The following PAX5 variants were observed in gnomAD, a reference collection of about 807,000 sequenced individuals.
PAX5 encodes the protein paired box 5, also known as paired box protein Pax-5.
Under a neutral mutation model 43.7 loss-of-function variants are expected in PAX5, and 9 were observed. The observed-to-expected ratio is 0.21, with a 90% CI of 0.12 to 0.36. The LOEUF (loss-of-function observed/expected upper bound fraction) is 0.36, where lower values mean the gene tolerates loss of function less well. Ranked by LOEUF, PAX5 falls within the 10% of genes least tolerant of loss-of-function variation. PAX5 has a pLI of 1.00. For synonymous variants in PAX5, 228 were observed against 214.3 expected (o/e 1.06, Z -0.56); for missense variants, 383 against 532.7 (o/e 0.72, Z 2.77).
At chr9:37,022,882 C>T (rs1839973639) in intron 1 of PAX5, among the ~76,000 whole-genome samples, 1 of 152,168 alleles carries the variant, frequency 6.6e-6, no homozygotes, top group African/African-American at 2.4e-5. Context: ...TGTTACCTTC[C>T]TCAACTTCCT....
chr9:36,917,213 C>T (rs1243998728), intron 7 of PAX5, among the ~76,000 whole-genome samples: 1 of 152,186 alleles, frequency 6.6e-6, no homozygotes, highest in Non-Finnish European at 1.5e-5. Flanking sequence ...AGACTTCCTG[C>T]TTGGGCCTAA....
At chr9:36,937,274 C>T (rs956846253) in intron 6 of PAX5, among the ~76,000 whole-genome samples, 6 of 152,318 alleles carry the variant, frequency 3.9e-5, no homozygotes, top group South Asian at 2.1e-4. Flanking sequence ...TTACTACCCT[C>T]CCTTTACAGA....
chr9:37,022,527 AACACCCAGC>A (rs1839941493), intron 1 of PAX5, among the ~76,000 whole-genome samples: 1 of 152,342 alleles, frequency 6.6e-6, no homozygotes, highest in Admixed American at 6.5e-5. Context: ...AGGAAGCTTA[AACACCCAGC>A]ACACTTTTGA....
chr9:37,015,052 G>A lies in PAX5; in HGVS notation c.355C>T (p.Leu119=), dbSNP rs1216262547. ...MFAWEIRDRL[L]AERVCDNDTV... is the part of the protein sequence containing the mutation. ...TCATTGTCACACACCCGCTCTGCCA[G>A]CAGCCGGTCCCTGATCTCCCAGGCA... is the stretch of plus-strand genomic sequence containing the variant. The change falls in exon 3 of 10, where the codon CTG becomes TTG. Residue 119 remains leucine, a synonymous_variant. Coordinates refer to ENST00000358127, the MANE Select transcript of PAX5 (RefSeq NM_016734.3). The surrounding 1 kb of genome is among the most constrained non-coding windows in gnomAD (Gnocchi z 4.4). The A allele has an allele frequency of 6.2e-7, 1 of 1,614,112 alleles. No homozygotes were observed. Among genetic ancestry groups the A allele is most frequent in the East Asian group, 2.2e-5 (1 of 44,904 alleles).
At chr9:37,027,554 C>A (rs998628772) in intron 1 of PAX5, among the ~76,000 whole-genome samples, 7 of 152,222 alleles carry the variant, frequency 4.6e-5, no homozygotes, top group Non-Finnish European at 1.0e-4. Context: ...CCAAGGCCGC[C>A]GGGGCTGCCG....
chr9:36,891,934 C>T (rs1169464347), intron 7 of PAX5, among the ~76,000 whole-genome samples: 1 of 152,190 alleles, frequency 6.6e-6, no homozygotes, highest in Non-Finnish European at 1.5e-5. Context: ...CCGCACCCAC[C>T]TCCCTGGAAT....
chr9:37,014,196 T>G (rs958130669), intron 3 of PAX5, among the ~76,000 whole-genome samples: 7 of 152,242 alleles, frequency 4.6e-5, no homozygotes, highest in Non-Finnish European at 1.0e-4. Context: ...CATACATTTA[T>G]TTTTAAAGCT....
chr9:36,949,114 T>A (rs973164089), intron 6 of PAX5, among the ~76,000 whole-genome samples: 1 of 152,126 alleles, frequency 6.6e-6, no homozygotes, highest in African/African-American at 2.4e-5. Context: ...CAGGCTGGAG[T>A]GCAGTGGCAC....
chr9:36,988,397 A>C (rs1836638451), intron 5 of PAX5, among the ~76,000 whole-genome samples: 1 of 152,164 alleles, frequency 6.6e-6, no homozygotes, highest in South Asian at 2.1e-4. Context: ...AAAAGAAAGA[A>C]AGCCTGTAAT....
chr9:36,918,032 C>T (rs2131940284), intron 7 of PAX5, among the ~76,000 whole-genome samples: 1 of 152,262 alleles, frequency 6.6e-6, no homozygotes, highest in South Asian at 2.1e-4. Context: ...TTGGCTGTTC[C>T]CTCATCTCTC....
intron 1 of PAX5, 94 bp from the exon 2 acceptor site, chr9:37,020,895 T>A: frequency 7.4e-7 from 1 of 1,355,890 alleles, no homozygotes; most frequent in Non-Finnish European, 1.0e-6. Flanking sequence ...GCCCCTCTGA[T>A]CACAAATGGC....
intron 6 of PAX5, among the ~76,000 whole-genome samples, chr9:36,961,142 A>G (rs1240124754): frequency 6.6e-6 from 1 of 152,198 alleles, no homozygotes; most frequent in Non-Finnish European, 1.5e-5. Flanking sequence ...ATCCCTGATG[A>G]CCAAGCTCAA....
chr9:36,990,490 A>ATCTT (rs1362282244), intron 5 of PAX5, among the ~76,000 whole-genome samples: 3 of 152,226 alleles, frequency 2.0e-5, no homozygotes, highest in Non-Finnish European at 4.4e-5. Flanking sequence ...TGAAGGTTAA[A>ATCTT]ACCCTTCAGG....
chr9:37,030,332 C>A (rs1050557001), intron 1 of PAX5, among the ~76,000 whole-genome samples: 1 of 152,200 alleles, frequency 6.6e-6, no homozygotes, highest in Non-Finnish European at 1.5e-5. Context: ...CTAGCCCAGC[C>A]TTACAGGTCA....
intron 5 of PAX5, among the ~76,000 whole-genome samples, chr9:36,971,732 G>A (rs1455776102): frequency 2.6e-5 from 4 of 152,222 alleles, no homozygotes; most frequent in Non-Finnish European, 5.9e-5. Context: ...AGGGGAGCAA[G>A]GGGCAGGAAG....
intron 9 of PAX5, among the ~76,000 whole-genome samples, chr9:36,843,839 G>A (rs1052274438): frequency 1.3e-5 from 2 of 152,200 alleles, no homozygotes; most frequent in African/African-American, 4.8e-5. Context: ...GCTTTGGCTG[G>A]GGGCAGGACA....
intron 8 of PAX5, among the ~76,000 whole-genome samples, chr9:36,867,180 C>T (rs1435572638): frequency 2.6e-5 from 4 of 152,130 alleles, no homozygotes; most frequent in African/African-American, 9.7e-5. Flanking sequence ...AGGAACCCCA[C>T]ACCCGCAGTG....
At chr9:36,911,008 C>G (rs983899565) in intron 7 of PAX5, among the ~76,000 whole-genome samples, 1 of 152,184 alleles carries the variant, frequency 6.6e-6, no homozygotes, top group Non-Finnish European at 1.5e-5. Flanking sequence ...TGCCTTTCCC[C>G]GAGCTCCCCA....
chr9:36,853,770 C>T (rs1823389828), intron 8 of PAX5, among the ~76,000 whole-genome samples: 1 of 152,204 alleles, frequency 6.6e-6, no homozygotes, highest in South Asian at 2.1e-4. Context: ...ATGCAGCTGT[C>T]CTGGAGATCC....
Sources: gnomAD v4.1 joint callset for allele counts (sites outside exome capture counted in the v4.1 genomes callset) on GRCh38, gnomAD v4.1.1 for gene constraint, Gnocchi (gnomAD v3.1) non-coding constraint, MANE v1.5 for transcripts, NCBI Gene and HGNC (gene_info 2026-07-23, HGNC 2026-07-21) for gene names.